The following KCNIP1 variants were observed in gnomAD, a reference collection of about 807,000 sequenced individuals.
KCNIP1 encodes the protein A-type potassium channel modulatory protein KCNIP1.
In KCNIP1, 18 loss-of-function variants were observed where a neutral mutation model predicts 33.0. That is an observed-to-expected ratio of 0.55 (90% CI 0.38 to 0.81). The LOEUF (loss-of-function observed/expected upper bound fraction) is 0.81, where lower values mean the gene tolerates loss of function less well. KCNIP1 is among the 30% of genes least tolerant of loss of function. The probability of loss-of-function intolerance (pLI) is 0.00; values close to 1 mark genes in which losing one functional copy is unlikely to be tolerated. For synonymous variants in KCNIP1, 93 were observed against 98.3 expected (o/e 0.95, Z 0.32); for missense variants, 238 against 271.6 (o/e 0.88, Z 0.87).
chr5:170,657,187 G>A (rs1761306249), intron 1 of KCNIP1, among the ~76,000 whole-genome samples: 1 of 151,632 alleles, frequency 6.6e-6, no homozygotes, highest in South Asian at 2.1e-4. Flanking sequence ...GTAGAGATGG[G>A]GTTTCACCAT....
At chr5:170,716,890 C>T (rs1278105175) in intron 1 of KCNIP1, among the ~76,000 whole-genome samples, 1 of 152,132 alleles carries the variant, frequency 6.6e-6, no homozygotes, top group South Asian at 2.1e-4. Flanking sequence ...TAACAGTGTA[C>T]TGGATGTCTT....
chr5:170,604,206 C>T (rs991614054), intron 1 of KCNIP1, among the ~76,000 whole-genome samples: 1 of 152,076 alleles, frequency 6.6e-6, no homozygotes, highest in Non-Finnish European at 1.5e-5. Context: ...GGGTTCCATT[C>T]TAGGGAAATC....
intron 1 of KCNIP1, among the ~76,000 whole-genome samples, chr5:170,670,149 C>A (rs1263172948): frequency 1.3e-5 from 2 of 152,176 alleles, no homozygotes; most frequent in Admixed American, 6.5e-5. Context: ...AGAACACATA[C>A]TATATTGAGG....
chr5:170,525,145 G>T (rs76391114), intron 1 of KCNIP1, among the ~76,000 whole-genome samples: 2,858 of 152,270 alleles, frequency 0.019, 37 homozygotes, highest in Middle Eastern at 0.071. Flanking sequence ...AAGAACCCAC[G>T]CCTGGGAGCC....
At chr5:170,551,864 TTGAG>T (rs1756651316) in intron 1 of KCNIP1, among the ~76,000 whole-genome samples, 2 of 145,016 alleles carry the variant, frequency 1.4e-5, no homozygotes, top group Admixed American at 6.7e-5. Flanking sequence ...GACTGTGTGT[TTGAG>T]TGTGTGTGTG....
At chr5:170,482,733 A>G (rs1344448524) in intron 1 of KCNIP1, among the ~76,000 whole-genome samples, 1 of 152,194 alleles carries the variant, frequency 6.6e-6, no homozygotes, top group African/African-American at 2.4e-5. Context: ...GTGGGAGTCA[A>G]GTAACGTCCA....
intron 5 of KCNIP1, among the ~76,000 whole-genome samples, chr5:170,726,464 C>T (rs1401632436): frequency 6.6e-6 from 1 of 152,206 alleles, no homozygotes; most frequent in East Asian, 1.9e-4. Flanking sequence ...ATTAAAAAGA[C>T]TGATAATACC....
intron 1 of KCNIP1, among the ~76,000 whole-genome samples, chr5:170,448,825 T>C (rs1756179720): frequency 6.6e-6 from 1 of 152,216 alleles, no homozygotes; most frequent in African/African-American, 2.4e-5. Context: ...GCACCCATTA[T>C]GTACCAAATG....
At chr5:170,401,179 T>C (rs1029323422) in intron 1 of KCNIP1, among the ~76,000 whole-genome samples, 1 of 152,214 alleles carries the variant, frequency 6.6e-6, no homozygotes, top group East Asian at 1.9e-4. Context: ...TTCAGCTGCC[T>C]ACAGGGCTGG....
At chr5:170,706,840 T>C (rs2113846797) in intron 1 of KCNIP1, among the ~76,000 whole-genome samples, 2 of 152,110 alleles carry the variant, frequency 1.3e-5, no homozygotes, top group South Asian at 4.2e-4. Context: ...TCAAGAGGAG[T>C]AATGAAATCC....
chr5:170,366,667 G>A (rs1763668767), intron 1 of KCNIP1, among the ~76,000 whole-genome samples: 1 of 152,214 alleles, frequency 6.6e-6, no homozygotes, highest in African/African-American at 2.4e-5. Context: ...GTAAGGGTGG[G>A]GAAACTGAGG....
intron 1 of KCNIP1, among the ~76,000 whole-genome samples, chr5:170,550,488 AATGATGGTGATG>A (rs1421905822): frequency 1.5e-4 from 22 of 150,156 alleles, no homozygotes; most frequent in Non-Finnish European, 3.1e-4. Context: ...TGGTGATGAC[AATGATGGTGATG>A]ATGATGGTGA....
At chr5:170,386,913 A>C (rs1764497895) in intron 1 of KCNIP1, among the ~76,000 whole-genome samples, 1 of 151,968 alleles carries the variant, frequency 6.6e-6, no homozygotes, top group African/African-American at 2.4e-5. Flanking sequence ...GCAAGCAAAG[A>C]TTCCACCCTC....
chr5:170,378,611 T>A, intron 1 of KCNIP1: 1 of 1,313,460 alleles, frequency 7.6e-7, no homozygotes, highest in South Asian at 1.4e-5. Flanking sequence ...GGAGGGCAGG[T>A]GGAGAAGGCA....
At chr5:170,536,300 T>C (rs1755982292) in intron 1 of KCNIP1, among the ~76,000 whole-genome samples, 1 of 152,236 alleles carries the variant, frequency 6.6e-6, no homozygotes, top group African/African-American at 2.4e-5. Flanking sequence ...CACCAGTTAC[T>C]ACTGCCTGTG....
chr5:170,670,063 G>C (rs77609056), intron 1 of KCNIP1, among the ~76,000 whole-genome samples: 2 of 152,130 alleles, frequency 1.3e-5, no homozygotes, highest in Non-Finnish European at 2.9e-5. Flanking sequence ...ATTTTTTGAC[G>C]GAGTCTGGGC....
chr5:170,474,577 G>A (rs1314739988), intron 1 of KCNIP1, among the ~76,000 whole-genome samples: 1 of 152,152 alleles, frequency 6.6e-6, no homozygotes, highest in Non-Finnish European at 1.5e-5. Context: ...CCAGGCCCCA[G>A]ACCTTAAGCT....
chr5:170,670,215 G>A (rs1761860293), intron 1 of KCNIP1, among the ~76,000 whole-genome samples: 1 of 152,148 alleles, frequency 6.6e-6, no homozygotes, highest in Admixed American at 6.5e-5. Flanking sequence ...AATATTTGTT[G>A]GATGAATGCA....
At chr5:170,386,170 G>A (rs1362306726) in intron 1 of KCNIP1, among the ~76,000 whole-genome samples, 1 of 152,056 alleles carries the variant, frequency 6.6e-6, no homozygotes, top group African/African-American at 2.4e-5. Context: ...TTGAAATGGG[G>A]AGACAATATT....
Sources: allele counts gnomAD v4.1 joint callset (sites outside exome capture counted in the v4.1 genomes callset), GRCh38; gene constraint gnomAD v4.1.1; transcripts MANE v1.5; gene names NCBI Gene and HGNC (gene_info 2026-07-23, HGNC 2026-07-21).